Variants in GNB3 observed in about 807,000 individuals in gnomAD.
The protein encoded by GNB3 is guanine nucleotide-binding protein G(I)/G(S)/G(T) subunit beta-3.
A neutral mutation model predicts 41.2 loss-of-function variants in GNB3; 33 were observed. That is an observed-to-expected ratio of 0.80 (90% confidence interval 0.61 to 1.07). The LOEUF is 1.07. Ranked by LOEUF, GNB3 falls within the 50% of genes least tolerant of loss-of-function variation. The pLI is 0.00. For missense variants in GNB3, 409 were observed against 455.3 expected, an observed-to-expected ratio of 0.90 and a Z score of 0.92; for synonymous variants, 172 against 173.4, an observed-to-expected ratio of 0.99 and a Z score of 0.06.
chr12:6,845,787 A>G lies in GNB3; in HGVS notation c.901A>G (p.Lys301Glu), dbSNP rs782531925. ...DFNCNVWDSM[K>E]SERVGILSGH... is the part of the protein sequence containing the mutation. ...CAACTGCAATGTCTGGGACTCCATG[A>G]AGTCTGAGCGTGTGGGTAAGGGCCA... is the stretch of plus-strand genomic sequence containing the variant. Residue 301 changes from lysine (K) to glutamate (E), a missense_variant, in exon 9 of 10, where the codon AAG (lysine) becomes GAG (glutamate). Lys to Glu is a moderately conservative substitution (Grantham distance 56). Coordinates refer to ENST00000229264, the MANE Select transcript of GNB3 (RefSeq NM_002075.4). The G allele has an allele frequency of 6.2e-7, 1 of 1,613,564 alleles. No homozygotes were observed. The highest frequency in any genetic ancestry group is 2.2e-5 in the East Asian group (1 of 44,874).
rs781960283 is a variant in GNB3, at chr12:6,846,864, G to T, written c.989G>T (p.Gly330Val). Residue 330 changes from glycine (G) to valine (V), a missense_variant, in exon 10 of 10, where the codon GGT (glycine) becomes GTT (valine). Physicochemically the swap from Gly to Val is moderately radical, Grantham distance 109. Coordinates refer to ENST00000229264, the MANE Select transcript of GNB3 (RefSeq NM_002075.4). ...GCTGACGGGATGGCTGTGGCCACAG[G>T]TTCCTGGGACAGCTTCCTCAAAATC... is the stretch of plus-strand genomic sequence containing the variant. Reference protein sequence around the residue: ...VTADGMAVATGSWDSFLKIWN With the variant: ...VTADGMAVATVSWDSFLKIWN The T allele has an allele frequency of 9.4e-6, 15 of 1,598,394 alleles. No individual in the cohort carries two copies. Among genetic ancestry groups the T allele is most frequent in the African/African-American group, 1.3e-5 (1 of 74,814 alleles).
At chr12:6,844,629 C>G (rs868925595) in intron 8 of GNB3, among the ~76,000 whole-genome samples, 1 of 152,150 alleles carries the variant, frequency 6.6e-6, no homozygotes, top group South Asian at 2.1e-4. Flanking sequence ...CTATGTTGCC[C>G]AGGCTGAGCT....
At position 6,843,027 on chromosome 12, in the gene GNB3, AG is replaced by A. The variant is rs782711283; in HGVS notation, c.158del (p.Gly53AspfsTer19). On this transcript the variant is annotated frameshift_variant, in exon 4 of 10. Coordinates refer to ENST00000229264, the MANE Select transcript of GNB3 (RefSeq NM_002075.4). LOFTEE classifies it high-confidence loss of function. The surrounding 1 kb of genome is among the most constrained non-coding windows in gnomAD (Gnocchi z 5.9). Reference sequence around the variant, plus strand: ...CCAGATGCGGACGCGGCGGACGTTAAGGGGACACCTGGCCAAGATTTACGCC... The same window carrying A: ...CCAGATGCGGACGCGGCGGACGTTAAGGGACACCTGGCCAAGATTTACGCC... ...RVQMRTRRTL[R>X]GHLAKIYAMH... is the part of the protein sequence containing the mutation. The A allele has an allele frequency of 6.3e-7, 1 of 1,578,518 alleles. No homozygotes were observed. Among genetic ancestry groups the A allele is most frequent in the African/African-American group, 1.3e-5 (1 of 74,344 alleles).
Position 6,845,734 on chromosome 12 carries a change from G to A in GNB3, c.848G>A (p.Arg283His), listed in dbSNP as rs373892759. 35 of 1,613,892 alleles carry A rather than the reference G, an allele frequency of 2.2e-5. No individual in the cohort carries two copies. Among genetic ancestry groups the A allele is most frequent in the Middle Eastern group, 1.6e-4 (1 of 6,084 alleles). ...TCCGTGGCCTTCTCCCTCAGTGGCC[G>A]CCTACTATTCGCTGGCTACGACGAC... ...ITSVAFSLSGRLLFAGYDDFN... is the reference protein window; with the variant it reads ...ITSVAFSLSGHLLFAGYDDFN... Residue 283 changes from arginine (R) to histidine (H), a missense_variant, in exon 9 of 10, where the codon CGC (arginine) becomes CAC (histidine). Physicochemically the swap from Arg to His is conservative, Grantham distance 29 (BLOSUM62 0). Coordinates refer to ENST00000229264, the MANE Select transcript of GNB3 (RefSeq NM_002075.4).
rs367679171 is a variant in GNB3, at chr12:6,843,204, G to A, written c.234G>A (p.Lys78=). The change falls in exon 5 of 10, where the codon AAG becomes AAA. Residue 78 remains lysine (K), a synonymous_variant. Coordinates refer to ENST00000229264, the MANE Select transcript of GNB3 (RefSeq NM_002075.4). The surrounding 1 kb of genome is among the most constrained non-coding windows in gnomAD (Gnocchi z 5.9). ...KLLVSASQDG[K]LIVWDSYTTN... ...TGGTAAGTGCCTCGCAAGATGGGAA[G>A]CTGATCGTGTGGGACAGCTACACCA... is the stretch of plus-strand genomic sequence containing the variant. 1.2e-6 allele frequency: 2 copies of A among 1,613,928 alleles called. No homozygotes were observed. The highest frequency in any genetic ancestry group is 1.7e-6 in the Non-Finnish European group (2 of 1,179,972).
At chr12:6,844,070 C>T in intron 8 of GNB3, 92 bp downstream of exon 8, 1 of 678,102 alleles carries the variant, frequency 1.5e-6, no homozygotes, top group Non-Finnish European at 2.4e-6. Flanking sequence ...CCTCCCATAG[C>T]TTCCCTAGCC....
Position 6,843,675 on chromosome 12 carries a change from G to C in GNB3, c.474G>C (p.Val158=). ...CCRFLDDNNI[V]TSSGDTTCAL... is the part of the protein sequence containing the mutation. ...GCTTCCTGGATGACAACAATATTGT[G>C]ACCAGCTCGGGGGACACCACGTGGT... The change falls in exon 7 of 10, where the codon GTG becomes GTC. Residue 158 remains valine, a synonymous_variant. Transcript: ENST00000229264. This position sits in a 1 kb window ranked among gnomAD's most constrained non-coding sequence, Gnocchi z 5.9. 6.2e-7 allele frequency: 1 copy of C among 1,614,150 alleles called. No individual in the cohort carries two copies. Among genetic ancestry groups the C allele is most frequent in the Non-Finnish European group, 8.5e-7 (1 of 1,180,004 alleles).
Position 6,843,184 on chromosome 12 carries a change from A to G in GNB3, c.214A>G (p.Ser72Gly). Residue 72 changes from serine to glycine, a missense_variant, in exon 5 of 10, where the codon AGT becomes GGT. By Grantham distance (56) the Ser-to-Gly change is moderately conservative (BLOSUM62 0). Transcript: ENST00000229264. The surrounding 1 kb of genome is among the most constrained non-coding windows in gnomAD (Gnocchi z 5.9). ...HWATDSKLLV[S>G]ASQDGKLIVW... ...ATGCCCTCTCCCCAGGCTGCTGGTA[A>G]GTGCCTCGCAAGATGGGAAGCTGAT... 6.2e-7 allele frequency: 1 copy of G among 1,613,942 alleles called. No homozygotes were observed. Among genetic ancestry groups the G allele is most frequent in the Non-Finnish European group, 8.5e-7 (1 of 1,179,870 alleles).
intron 9 of GNB3, 95 bp downstream of exon 9, chr12:6,845,897 ACT>A: frequency 1.2e-6 from 1 of 813,074 alleles, no homozygotes. Context: ...CCCATTTCGG[ACT>A]CTCTTACTGC....
Position 6,846,845 on chromosome 12 carries a change from G to T in GNB3, c.970G>T (p.Gly324Trp). 1 of 1,602,582 alleles carries T rather than the reference G, an allele frequency of 6.2e-7. No individual in the cohort carries two copies. ...GAGCTGCCTGGGAGTCACAGCTGAC[G>T]GGATGGCTGTGGCCACAGGTTCCTG... is the stretch of plus-strand genomic sequence containing the variant. ...RVSCLGVTADGMAVATGSWDS... is the reference protein window; with the variant it reads ...RVSCLGVTADWMAVATGSWDS... Residue 324 changes from glycine (G) to tryptophan (W), a missense_variant, in exon 10 of 10, where the codon GGG (glycine) becomes TGG (tryptophan). Gly to Trp is a radical substitution (Grantham distance 184). Coordinates refer to ENST00000229264, the MANE Select transcript of GNB3 (RefSeq NM_002075.4).
rs1555124514 is a variant in GNB3, at chr12:6,845,726, C to T, written c.840C>T (p.Leu280=). The change falls in exon 9 of 10, where the codon CTC becomes CTT. Residue 280 remains leucine, a synonymous_variant. Coordinates refer to ENST00000229264, the MANE Select transcript of GNB3 (RefSeq NM_002075.4). The part of the protein sequence containing the change: ...ICGITSVAFS[L]SGRLLFAGYD... ...GCATCACGTCCGTGGCCTTCTCCCT[C>T]AGTGGCCGCCTACTATTCGCTGGCT... The T allele has an allele frequency of 8.7e-6, 14 of 1,614,028 alleles. No homozygotes were observed. Among genetic ancestry groups the T allele is most frequent in the Admixed American group, 1.7e-5 (1 of 60,026 alleles).
rs1057273045 is a variant in GNB3 at position 6,844,094 on chromosome 12, T to C, written c.699+116T>C. The stretch of plus-strand genomic sequence containing the variant: ...GCTTCCCTAGCCCTTTCTTACTGTA[T>C]TTTTTTTTTTTTTTTTTTTTTTTTT... On this transcript the variant is annotated intron_variant, in intron 8 of 9. Coordinates refer to ENST00000229264, the MANE Select transcript of GNB3 (RefSeq NM_002075.4). 0.034 allele frequency: 5,346 copies of C among 159,092 alleles called. 931 individuals are homozygous for C. Among genetic ancestry groups the C allele is most frequent in the African/African-American group, 0.09 (2,535 of 28,228 alleles). 9.9% of individuals were successfully genotyped at this position (159,092 alleles called of 1,614,324 possible). A position where few individuals can be genotyped will look rare whatever the true frequency, so the allele number is the denominator to read the frequency against.
chr12:6,843,095 C>T lies in GNB3; in HGVS notation c.203+19C>T. On this transcript the variant is annotated intron_variant, in intron 4 of 9. Transcript: ENST00000229264. This position sits in a 1 kb window ranked among gnomAD's most constrained non-coding sequence, Gnocchi z 5.9. ...ATTCTAAGTGAGGCTTGGGGGGGAA[C>T]CGAGAATGGGAGGGTGAGAGCGGGA... 6.2e-7 allele frequency: 1 copy of T among 1,602,008 alleles called. No individual in the cohort carries two copies. The highest frequency in any genetic ancestry group is 8.5e-7 in the Non-Finnish European group (1 of 1,169,880).
At chr12:6,845,833 A>G (rs782760944) in intron 9 of GNB3, 31 bp downstream of exon 9, 2 of 1,513,002 alleles carry the variant, frequency 1.3e-6, no homozygotes, top group East Asian at 4.5e-5. Context: ...CTGCTTCCTC[A>G]GCTGGAAGGA....
Position 6,843,963 on chromosome 12 carries a change from C to T in GNB3, c.684C>T (p.Asp228=), listed in dbSNP as rs1943628549. The part of the protein sequence containing the change: ...CRQTFTGHES[D]INAICFFPNG... ...AGACTTTCACTGGCCACGAGTCGGA[C>T]ATCAACGCCATCTGTGTGAGTGCAC... Residue 228 remains aspartate (D), a synonymous_variant, in exon 8 of 10, where the codon GAC becomes GAT. Coordinates refer to ENST00000229264, the MANE Select transcript of GNB3 (RefSeq NM_002075.4). This position sits in a 1 kb window ranked among gnomAD's most constrained non-coding sequence, Gnocchi z 5.9. 3 of 1,610,784 alleles carry T rather than the reference C, an allele frequency of 1.9e-6. No individual in the cohort carries two copies. The highest frequency in any genetic ancestry group is 2.2e-5 in the East Asian group (1 of 44,864).
At position 6,843,543 on chromosome 12, in the gene GNB3, T is replaced by C. The variant is rs1425095241; in HGVS notation, c.430+18T>C. ...TCACACAGGTGAGGGAGAGACCCTCTCCTCCCCTCCTGAGGGGTTCAGGGA... is the reference window on the plus strand; with the variant it reads ...TCACACAGGTGAGGGAGAGACCCTCCCCTCCCCTCCTGAGGGGTTCAGGGA... On this transcript the variant is annotated intron_variant, in intron 6 of 9. Transcript: ENST00000229264. The surrounding 1 kb of genome is among the most constrained non-coding windows in gnomAD (Gnocchi z 5.9). The C allele has an allele frequency of 3.4e-5, 54 of 1,611,578 alleles. No individual in the cohort carries two copies. Among genetic ancestry groups the C allele is most frequent in the Non-Finnish European group, 4.5e-5 (53 of 1,177,808 alleles).
chr12:6,841,725 C>T (rs1943578974), intron 3 of GNB3, 101 bp downstream of exon 3: 3 of 842,282 alleles, frequency 3.6e-6, no homozygotes, highest in Non-Finnish European at 6.0e-6. Context: ...ACAGCACGTC[C>T]TTGGAGTGAG....
At chr12:6,841,822 A>G (rs1555123492) in intron 3 of GNB3, 198 bp downstream of exon 3, 1 of 699,736 alleles carries the variant, frequency 1.4e-6, no homozygotes. Flanking sequence ...AGATGCGGAC[A>G]CGGTTCCTAT....
chr12:6,842,958 C>T lies in GNB3; in HGVS notation c.97-12C>T, dbSNP rs374659413. ...CTGCTCACCCTGATATTCAGTGCCC[C>T]TCTCTCTGCAGCTGGTGTCTGGCCT... On this transcript the variant is annotated splice_polypyrimidine_tract_variant and intron_variant, in intron 3 of 9. Transcript: ENST00000229264. The T allele has an allele frequency of 2.6e-6, 4 of 1,519,600 alleles. No individual in the cohort carries two copies. Among genetic ancestry groups the T allele is most frequent in the African/African-American group, 2.8e-5 (2 of 72,158 alleles). The allele number at this position is 1,519,600 out of a possible 1,614,324, so 94.1% of individuals were successfully genotyped here.
Sources: gnomAD v4.1 joint callset for allele counts (sites outside exome capture counted in the v4.1 genomes callset) on GRCh38, gnomAD v4.1.1 for gene constraint, Gnocchi (gnomAD v3.1) non-coding constraint, MANE v1.5 for transcripts, NCBI Gene and HGNC (gene_info 2026-07-23, HGNC 2026-07-21) for gene names.